Variants in PCLO observed in about 807,000 individuals in gnomAD.
PCLO encodes protein piccolo.
PCLO carries 82 observed loss-of-function variants against 427.5 expected under a neutral mutation model. The ratio of observed to expected loss-of-function variants is 0.19; its 90% CI spans 0.16 to 0.23. PCLO has a LOEUF of 0.23. Ranked by LOEUF, PCLO falls within the 10% of genes least tolerant of loss-of-function variation. The pLI, the probability that PCLO is intolerant of heterozygous loss-of-function variation, is 1.00. For synonymous variants in PCLO, 2,357 were observed against 2,155.4 expected (o/e 1.09, Z -2.59); for missense variants, 6,239 against 6,115.9 (o/e 1.02, Z -0.67).
At chr7:82,854,757 A>C (rs1792758168) in intron 10 of PCLO, among the ~76,000 whole-genome samples, 1 of 152,164 alleles carries the variant, frequency 6.6e-6, no homozygotes, top group Admixed American at 6.6e-5. Context: ...TAGAGAAGGT[A>C]AATTCTGTAT....
intron 7 of PCLO, among the ~76,000 whole-genome samples, chr7:82,910,021 A>G (rs921661568): frequency 6.6e-6 from 1 of 152,108 alleles, no homozygotes; most frequent in African/African-American, 2.4e-5. Context: ...TCCCTAATAT[A>G]TAGAATTTTC....
chr7:82,929,766 G>A (rs1396455971), intron 6 of PCLO, among the ~76,000 whole-genome samples: 11 of 152,000 alleles, frequency 7.2e-5, no homozygotes, highest in African/African-American at 2.4e-5. Context: ...TTTATAAAAT[G>A]AGCTGGAATT....
At chr7:82,963,357 T>C (rs1367102398) in intron 4 of PCLO, among the ~76,000 whole-genome samples, 1 of 152,108 alleles carries the variant, frequency 6.6e-6, no homozygotes, top group East Asian at 1.9e-4. Context: ...CCACATTTTC[T>C]GATAGTTAAC....
intron 16 of PCLO, among the ~76,000 whole-genome samples, chr7:82,829,974 A>G: frequency 6.6e-6 from 1 of 152,010 alleles, no homozygotes; most frequent in Non-Finnish European, 1.5e-5. Context: ...TTAATATGGT[A>G]TGGTATAATG....
chr7:82,880,190 T>G (rs533234319), intron 9 of PCLO, among the ~76,000 whole-genome samples: 1 of 152,240 alleles, frequency 6.6e-6, no homozygotes, highest in Non-Finnish European at 1.5e-5. Context: ...TTAGCAAGTA[T>G]ATAGAGCATG....
intron 3 of PCLO, among the ~76,000 whole-genome samples, chr7:83,132,697 T>C (rs1360634490): frequency 6.6e-6 from 1 of 152,152 alleles, no homozygotes; most frequent in East Asian, 1.9e-4. Context: ...TTTTTAAGTG[T>C]GTAAAAATAT....
At chr7:82,783,353 G>A (rs889802356) in intron 22 of PCLO, among the ~76,000 whole-genome samples, 3 of 151,892 alleles carry the variant, frequency 2.0e-5, no homozygotes, top group Non-Finnish European at 4.4e-5. Flanking sequence ...GGTGGCTTAC[G>A]CCTGTAATCC....
intron 3 of PCLO, among the ~76,000 whole-genome samples, chr7:83,007,164 CTCCT>C (rs1016803021): frequency 6.6e-6 from 1 of 151,442 alleles, no homozygotes; most frequent in African/African-American, 2.4e-5. Flanking sequence ...AATTTGTCTT[CTCCT>C]TAGAAACTTA....
chr7:83,048,249 ATTATG>A (rs1374622211), intron 3 of PCLO, among the ~76,000 whole-genome samples: 2 of 152,036 alleles, frequency 1.3e-5, no homozygotes, highest in Admixed American at 6.6e-5. Flanking sequence ...ATAACACGTA[ATTATG>A]TTATGTGTCC....
chr7:82,971,949 T>C (rs555186786), intron 3 of PCLO, among the ~76,000 whole-genome samples: 50 of 151,710 alleles, frequency 3.3e-4, no homozygotes, highest in Non-Finnish European at 5.8e-4. Context: ...TCTAATGGTA[T>C]AAAGCAATAA....
chr7:82,863,535 T>C (rs981579780), intron 10 of PCLO, among the ~76,000 whole-genome samples: 2 of 151,950 alleles, frequency 1.3e-5, no homozygotes, highest in Admixed American at 6.6e-5. Flanking sequence ...GTTATCAATC[T>C]CTTTAATAAA....
intron 3 of PCLO, among the ~76,000 whole-genome samples, chr7:83,114,543 C>T (rs1449238864): frequency 6.6e-6 from 1 of 151,974 alleles, no homozygotes; most frequent in Non-Finnish European, 1.5e-5. Flanking sequence ...AGACATCTAT[C>T]AGGTGATGAA....
At chr7:82,978,961 G>A (rs1302059788) in intron 3 of PCLO, among the ~76,000 whole-genome samples, 1 of 151,672 alleles carries the variant, frequency 6.6e-6, no homozygotes, top group African/African-American at 2.4e-5. Flanking sequence ...GGTGGAGAAT[G>A]AAAACAATGT....
At chr7:83,110,198 A>G (rs1245083276) in intron 3 of PCLO, among the ~76,000 whole-genome samples, 1 of 151,790 alleles carries the variant, frequency 6.6e-6, no homozygotes, top group African/African-American at 2.4e-5. Flanking sequence ...TCTTGCTACT[A>G]AAGAAAATAC....
chr7:82,952,730 A>T lies in PCLO; in HGVS notation c.8223T>A (p.Thr2741=). The change falls in exon 5 of 25, where the codon ACT becomes ACA. Residue 2741 remains threonine (T), a synonymous_variant. Transcript: ENST00000333891. ...AAGCAGAAAGATCAATACATTTATC[A>T]GTTGTTTTAACTTCTACCTTTGGTA... ...RTVPKVEVKT[T]DKCIDLSAST... 6.2e-7 allele frequency: 1 copy of T among 1,613,674 alleles called. No individual in the cohort carries two copies. Among genetic ancestry groups the T allele is most frequent in the Non-Finnish European group, 8.5e-7 (1 of 1,179,706 alleles).
At chr7:82,822,459 A>C (rs1360339753) in intron 20 of PCLO, 36 bp downstream of exon 20, 1 of 1,613,342 alleles carries the variant, frequency 6.2e-7, no homozygotes, top group Admixed American at 1.7e-5. Flanking sequence ...ATGAACATTA[A>C]GCTGCCATGC....
chr7:82,755,496 G>A lies in PCLO; in HGVS notation c.*3079C>T, dbSNP rs900512166. ...ACTCTGTGCTTTTGTTTCTACAGCC[G>A]AAAGTTTCTTTAGGACCAAATTTGA... On this transcript the variant is annotated 3_prime_UTR_variant, in exon 25 of 25. Transcript: ENST00000333891. 4 of 151,936 alleles carry A rather than the reference G, an allele frequency of 2.6e-5. No homozygotes were observed. Among genetic ancestry groups the A allele is most frequent in the Non-Finnish European group, 4.4e-5 (3 of 67,986 alleles). 9.4% of individuals were successfully genotyped at this position (151,936 alleles called of 1,614,324 possible).
At chr7:82,998,096 A>G (rs1001862972) in intron 3 of PCLO, among the ~76,000 whole-genome samples, 9 of 152,032 alleles carry the variant, frequency 5.9e-5, no homozygotes, top group Non-Finnish European at 1.3e-4. Flanking sequence ...ACCAGTGCAG[A>G]AACTCAGAAG....
In PCLO at chr7:82,956,735, G is replaced by C. The variant is rs370964845; in HGVS notation, c.4218C>G (p.Pro1406=). The C allele has an allele frequency of 3.1e-6, 5 of 1,613,758 alleles. No individual in the cohort carries two copies. Among genetic ancestry groups the C allele is most frequent in the African/African-American group, 1.3e-5 (1 of 75,014 alleles). ...SFSQESSPSS[P]SDLAKLESTV... is the part of the protein sequence containing the mutation. ...TACTTTCTAACTTAGCCAAATCTGA[G>C]GGGCTGGAAGGGCTGCTTTCTTGTG... The change falls in exon 5 of 25, where the codon CCC becomes CCG. Residue 1406 remains proline, a synonymous_variant. Transcript: ENST00000333891.
Sources: allele counts gnomAD v4.1 joint callset (sites outside exome capture counted in the v4.1 genomes callset), GRCh38; gene constraint gnomAD v4.1.1; transcripts MANE v1.5; gene names NCBI Gene and HGNC (gene_info 2026-07-23, HGNC 2026-07-21).